The following NCOA2 variants were observed in gnomAD, a reference collection of about 807,000 sequenced individuals.
The protein encoded by NCOA2 is class E basic helix-loop-helix protein 75.
In NCOA2, 21 loss-of-function variants were observed where a neutral mutation model predicts 145.1. That is an observed-to-expected ratio of 0.14 (90% CI 0.10 to 0.21). NCOA2 has a LOEUF of 0.21. Ranked by LOEUF, NCOA2 falls within the 10% of genes least tolerant of loss-of-function variation. NCOA2 has a pLI of 1.00. For synonymous variants in NCOA2, 619 were observed against 637.5 expected (o/e 0.97, Z 0.44); for missense variants, 1,472 against 1,837.6 (o/e 0.80, Z 3.64).
chr8:70,451,452 T>TTC, the NCOA2 span, among the ~76,000 whole-genome samples: 2 of 150,776 alleles, frequency 1.3e-5, no homozygotes, highest in Non-Finnish European at 3.0e-5. Flanking sequence ...GAGCTAGAAT[T>TTC]TCTCTAAGTA....
At chr8:70,305,182 A>G (rs962467553) in intron 1 of NCOA2, among the ~76,000 whole-genome samples, 1 of 150,130 alleles carries the variant, frequency 6.7e-6, no homozygotes, top group African/African-American at 2.5e-5. Context: ...CCACCACCCC[A>G]GCCAACATTA....
At chr8:70,436,039 T>C in the NCOA2 span, among the ~76,000 whole-genome samples, 1,301 of 152,306 alleles carry the variant, frequency 8.5e-3, 16 homozygotes, top group African/African-American at 0.03. Context: ...ATTGACTTCA[T>C]ATAAGTTTTA....
the NCOA2 span, among the ~76,000 whole-genome samples, chr8:70,455,754 CTTTA>C: frequency 6.8e-6 from 1 of 146,952 alleles, no homozygotes; most frequent in Non-Finnish European, 1.5e-5. Context: ...ACCATTTGTT[CTTTA>C]TTTAATTTGG....
At chr8:70,137,258 G>C (rs1380088029) in intron 15 of NCOA2, among the ~76,000 whole-genome samples, 1 of 152,150 alleles carries the variant, frequency 6.6e-6, no homozygotes, top group African/African-American at 2.4e-5. Flanking sequence ...GGTCAGGCTG[G>C]TCTCAAACTC....
chr8:70,277,221 CA>C (rs1163258065), intron 2 of NCOA2, among the ~76,000 whole-genome samples: 1 of 151,676 alleles, frequency 6.6e-6, no homozygotes, highest in African/African-American at 2.4e-5. Flanking sequence ...GTCTGTATAA[CA>C]TTTCTGCAAT....
intron 2 of NCOA2, among the ~76,000 whole-genome samples, chr8:70,236,096 T>C (rs1423124578): frequency 1.3e-5 from 2 of 152,186 alleles, no homozygotes. Context: ...GTCAATCCAC[T>C]GAACATCCTC....
intron 1 of NCOA2, among the ~76,000 whole-genome samples, chr8:70,351,285 C>G (rs140896031): frequency 6.6e-6 from 1 of 152,272 alleles, no homozygotes; most frequent in East Asian, 1.9e-4. Context: ...ATAGGTTATA[C>G]ATTTTAGCCA....
At chr8:70,173,138 G>A (rs1346264705) in intron 5 of NCOA2, among the ~76,000 whole-genome samples, 1 of 152,184 alleles carries the variant, frequency 6.6e-6, no homozygotes, top group African/African-American at 2.4e-5. Flanking sequence ...ATTCTCAGAA[G>A]ACTATTCTGA....
intron 4 of NCOA2, among the ~76,000 whole-genome samples, chr8:70,187,742 G>T (rs989970199): frequency 2.6e-5 from 4 of 152,090 alleles, no homozygotes; most frequent in East Asian, 1.9e-4. Context: ...CTTAAAATTA[G>T]TTTTGTTTTA....
intron 2 of NCOA2, among the ~76,000 whole-genome samples, chr8:70,279,511 C>T (rs1409631257): frequency 6.6e-6 from 1 of 152,132 alleles, no homozygotes; most frequent in African/African-American, 2.4e-5. Flanking sequence ...ATACAAAACA[C>T]AAACCTTAAC....
intron 2 of NCOA2, among the ~76,000 whole-genome samples, chr8:70,282,686 C>CA (rs550448805): frequency 0.076 from 7,375 of 97,156 alleles, 489 homozygotes; most frequent in African/African-American, 0.21. Context: ...AAAACTGCCT[C>CA]AAAAAAAAAA....
At chr8:70,160,489 T>C (rs1031647555) in intron 9 of NCOA2, among the ~76,000 whole-genome samples, 1 of 152,070 alleles carries the variant, frequency 6.6e-6, no homozygotes, top group African/African-American at 2.4e-5. Flanking sequence ...AAAAGAACAT[T>C]TCAATTCAGT....
At chr8:70,225,557 AAAG>A (rs1820554952) in intron 2 of NCOA2, among the ~76,000 whole-genome samples, 1 of 151,866 alleles carries the variant, frequency 6.6e-6, no homozygotes, top group African/African-American at 2.4e-5. Context: ...TCAAAAAAAA[AAAG>A]AAAAGAAAAG....
chr8:70,141,548 C>T, intron 13 of NCOA2, 149 bp from the exon 14 acceptor site: 1 of 751,012 alleles, frequency 1.3e-6, no homozygotes, highest in East Asian at 2.7e-5. Flanking sequence ...AGATGTGGGA[C>T]CTTGGCTAAG....
At chr8:70,254,297 T>C (rs1306346392) in intron 2 of NCOA2, among the ~76,000 whole-genome samples, 2 of 152,210 alleles carry the variant, frequency 1.3e-5, no homozygotes, top group Non-Finnish European at 2.9e-5. Context: ...ACTGATGGCA[T>C]GTAAAATGGC....
intron 1 of NCOA2, among the ~76,000 whole-genome samples, chr8:70,380,697 T>G (rs1373409962): frequency 6.6e-6 from 1 of 152,046 alleles, no homozygotes; most frequent in African/African-American, 2.4e-5. Flanking sequence ...GAACAAAAAT[T>G]TTCAAGGACT....
intron 1 of NCOA2, among the ~76,000 whole-genome samples, chr8:70,333,736 C>T (rs982693963): frequency 6.6e-6 from 1 of 152,194 alleles, no homozygotes; most frequent in Non-Finnish European, 1.5e-5. Flanking sequence ...CCAAGACCCT[C>T]CCCATCAGCT....
intron 4 of NCOA2, among the ~76,000 whole-genome samples, chr8:70,183,505 A>C (rs1815710825): frequency 6.6e-6 from 1 of 152,196 alleles, no homozygotes; most frequent in Admixed American, 6.5e-5. Context: ...CCTAAATCAC[A>C]ATTCTGTTTA....
chr8:70,136,324 T>G (rs1157421036), intron 15 of NCOA2, among the ~76,000 whole-genome samples: 2 of 152,084 alleles, frequency 1.3e-5, no homozygotes, highest in African/African-American at 4.8e-5. Context: ...ACCACACCAC[T>G]GCACTCCAGC....
Sources: allele counts gnomAD v4.1 joint callset (sites outside exome capture counted in the v4.1 genomes callset), GRCh38; gene constraint gnomAD v4.1.1; transcripts MANE v1.5; gene names NCBI Gene and HGNC (gene_info 2026-07-23, HGNC 2026-07-21).